The following GNL3L variants were observed in gnomAD, a reference collection of about 807,000 sequenced individuals.
GNL3L encodes the protein guanine nucleotide-binding protein-like 3-like protein.
In GNL3L, 4 loss-of-function variants were observed where a neutral mutation model predicts 42.9. The observed-to-expected ratio is 0.09, with a 90% CI of 0.05 to 0.21. The LOEUF (loss-of-function observed/expected upper bound fraction) is 0.21, where lower values mean the gene tolerates loss of function less well. GNL3L is among the 10% of genes least tolerant of loss of function. GNL3L has a pLI of 1.00. For synonymous variants in GNL3L, 159 were observed against 176.3 expected (o/e 0.90, Z 0.78); for missense variants, 412 against 481.7 (o/e 0.86, Z 1.36).
the GNL3L span, among the ~76,000 whole-genome samples, chrX:54,636,548 C>G: frequency 9.1e-6 from 1 of 110,106 alleles, no homozygotes; most frequent in Admixed American, 9.7e-5. Flanking sequence ...CTAGTAGTCC[C>G]CAGTGTCTAT....
downstream of GNL3L, among the ~76,000 whole-genome samples, chrX:54,624,976 C>T (rs769105180): frequency 9.0e-6 from 1 of 111,372 alleles, no homozygotes; most frequent in African/African-American, 3.3e-5. Context: ...TGAATTAGAG[C>T]CCATCTTAGT....
chrX:54,578,529 C>G (rs1435024548), intron 16 of GNL3L, among the ~76,000 whole-genome samples: 2 of 112,093 alleles, frequency 1.8e-5, no homozygotes, highest in Admixed American at 9.5e-5. Flanking sequence ...AATAGTTTTG[C>G]CATTTTCAGA....
chrX:54,536,404 T>C (rs1422344688), intron 2 of GNL3L, among the ~76,000 whole-genome samples: 1 of 110,868 alleles, frequency 9.0e-6, no homozygotes. Flanking sequence ...TAGATTTCCG[T>C]AGATTTCCTG....
intron 14 of GNL3L, among the ~76,000 whole-genome samples, chrX:54,556,660 G>A (rs1156355385): frequency 9.0e-6 from 1 of 110,748 alleles, no homozygotes; most frequent in East Asian, 2.9e-4. Context: ...GATTACAGGT[G>A]TGACCCACTG....
At chrX:54,639,768 A>C in the GNL3L span, among the ~76,000 whole-genome samples, 1 of 112,001 alleles carries the variant, frequency 8.9e-6, no homozygotes, top group Non-Finnish European at 1.9e-5. Flanking sequence ...GTGAGGGCGC[A>C]TGCGAACCAT....
intron 8 of GNL3L, among the ~76,000 whole-genome samples, chrX:54,545,202 C>T (rs369141887): frequency 2.2e-4 from 25 of 111,457 alleles, no homozygotes; most frequent in African/African-American, 8.1e-4. Context: ...AGGCGTGAGC[C>T]ACCACTCCCG....
At chrX:54,543,983 C>G in intron 7 of GNL3L, 2 of 314,316 alleles carry the variant, frequency 6.4e-6, no homozygotes, top group Non-Finnish European at 5.6e-6. Flanking sequence ...GACCAGATAG[C>G]TAGTTTGTCC....
intron 1 of GNL3L, among the ~76,000 whole-genome samples, chrX:54,531,937 C>A (rs760316746): frequency 9.1e-6 from 1 of 110,113 alleles, no homozygotes; most frequent in South Asian, 3.9e-4. Flanking sequence ...TTTACCCCCT[C>A]CTCCAAGATT....
chrX:54,543,383 C>A, intron 7 of GNL3L, 41 bp downstream of exon 7: 1 of 1,186,431 alleles, frequency 8.4e-7, no homozygotes, highest in Non-Finnish European at 1.1e-6. Context: ...GGAAGGTGGG[C>A]AGGCCATCTT....
intron 16 of GNL3L, among the ~76,000 whole-genome samples, chrX:54,606,582 C>A (rs1457295344): frequency 9.1e-6 from 1 of 110,136 alleles, no homozygotes; most frequent in Non-Finnish European, 1.9e-5. Context: ...CTGTAACAAC[C>A]CTCCCACCTT....
At chrX:54,539,986 A>G (rs1250778044) in intron 3 of GNL3L, 149 bp from the exon 4 acceptor site, 1 of 460,440 alleles carries the variant, frequency 2.2e-6, no homozygotes, top group African/African-American at 2.4e-5. Context: ...TCACCTTGGG[A>G]GTGAGGGGAT....
chrX:54,539,901 A>T lies in GNL3L; in HGVS notation c.82-234A>T, dbSNP rs184824489. ...CAGCCAGATGGGCAGATCTTTGGGGATGGAGCCCTTTTTGCTTCTCTCCTT... is the reference window on the plus strand; with the variant it reads ...CAGCCAGATGGGCAGATCTTTGGGGTTGGAGCCCTTTTTGCTTCTCTCCTT... On this transcript the variant is annotated intron_variant, in intron 3 of 15. Coordinates refer to ENST00000360845, the MANE Select transcript of GNL3L (RefSeq NM_001184819.2). 1.8e-4 allele frequency among the ~76,000 whole-genome samples: 20 copies of T among 111,557 alleles called. No individual in the cohort carries two copies. In the East Asian group the frequency reaches 5.4e-3, roughly 30 times the overall value.
intron 16 of GNL3L, among the ~76,000 whole-genome samples, chrX:54,620,747 T>A (rs1182490569): frequency 8.9e-6 from 1 of 111,980 alleles, no homozygotes; most frequent in Non-Finnish European, 1.9e-5. Flanking sequence ...TAATTTACAT[T>A]CCCACCAATA....
the GNL3L span, among the ~76,000 whole-genome samples, chrX:54,635,829 C>T: frequency 9.1e-6 from 1 of 110,231 alleles, no homozygotes; most frequent in African/African-American, 3.3e-5. Flanking sequence ...TTTTTCAACA[C>T]CTAACTAGGC....
the GNL3L span, among the ~76,000 whole-genome samples, chrX:54,641,073 C>T: frequency 2.7e-5 from 3 of 110,981 alleles, no homozygotes; most frequent in Non-Finnish European, 5.7e-5. Flanking sequence ...GTTCGAGGTG[C>T]CTTTGGGACA....
At chrX:54,634,338 G>A in the GNL3L span, among the ~76,000 whole-genome samples, 2 of 111,128 alleles carry the variant, frequency 1.8e-5, no homozygotes, top group Admixed American at 9.5e-5. Flanking sequence ...TTTCACTCTT[G>A]TTACCTGGGC....
At chrX:54,542,432 A>C (rs746580821) in intron 5 of GNL3L, among the ~76,000 whole-genome samples, 154 of 110,767 alleles carry the variant, frequency 1.4e-3, no homozygotes, top group African/African-American at 4.8e-3. Flanking sequence ...TGAACTCATC[A>C]TTTTTTATGG....
rs934102823 is a variant in GNL3L at position 54,558,574 on chromosome X, A to G, written c.1585A>G (p.Ile529Val). 1.1e-5 allele frequency: 13 copies of G among 1,208,192 alleles called. No homozygotes were observed. Among genetic ancestry groups the G allele is most frequent in the Non-Finnish European group, 1.5e-5 (13 of 894,003 alleles). Residue 529 changes from isoleucine to valine, a missense_variant, in exon 15 of 16, where the codon ATC (isoleucine) becomes GTC (valine). Ile to Val is a conservative substitution (Grantham distance 29, BLOSUM62 3). Coordinates refer to ENST00000360845, the MANE Select transcript of GNL3L (RefSeq NM_001184819.2). ...GGACCGCCGCTCAGTGCTGCAGAGG[A>G]TCATGGAGACGGACCCCCTGCAACA... Reference protein sequence around the residue: ...SVDRRSVLQRIMETDPLQQGQ... With the variant: ...SVDRRSVLQRVMETDPLQQGQ...
chrX:54,616,075 G>C (rs778230251), intron 16 of GNL3L, among the ~76,000 whole-genome samples: 3 of 112,773 alleles, frequency 2.7e-5, no homozygotes, highest in African/African-American at 9.7e-5. Context: ...TCTCTCTTGT[G>C]GTATCTAGCA....
Sources: allele counts gnomAD v4.1 joint callset (sites outside exome capture counted in the v4.1 genomes callset), GRCh38; gene constraint gnomAD v4.1.1; transcripts MANE v1.5; gene names NCBI Gene and HGNC (gene_info 2026-07-23, HGNC 2026-07-21).